BEND5: variants seen among roughly 807,000 people sequenced by gnomAD.
BEND5 encodes the protein BEN domain-containing protein 5.
Under a neutral mutation model 43.9 loss-of-function variants are expected in BEND5, and 22 were observed. The observed-to-expected ratio is 0.50, with a 90% CI of 0.36 to 0.72. The LOEUF is 0.72. Ranked by LOEUF, BEND5 falls within the 30% of genes least tolerant of loss-of-function variation. The probability of loss-of-function intolerance (pLI) is 0.00; values close to 1 mark genes in which losing one functional copy is unlikely to be tolerated. For missense variants in BEND5, 428 were observed against 550.6 expected, an observed-to-expected ratio of 0.78 and a Z score of 2.23; for synonymous variants, 228 against 225.9, an observed-to-expected ratio of 1.01 and a Z score of -0.08.
chr1:48,749,612 C>G (rs1001600927), intron 3 of BEND5, among the ~76,000 whole-genome samples: 50 of 152,286 alleles, frequency 3.3e-4, no homozygotes, highest in African/African-American at 1.2e-3. Flanking sequence ...GTGGGACCCT[C>G]AGCTCATCTC....
At position 48,741,224 on chromosome 1, in the gene BEND5, T is replaced by C. The variant is rs112068273; in HGVS notation, c.894+1399A>G. On this transcript the variant is annotated intron_variant, in intron 4 of 5. Transcript: ENST00000371833. ...AAACATAGCATAGTCCTATCTTTTA[T>C]CTTTGATTGGGGAAGGTTCACCAAA... 1.3e-3 allele frequency among the ~76,000 whole-genome samples: 202 copies of C among 152,354 alleles called. 2 individuals carry two copies. The highest frequency in any genetic ancestry group is 4.5e-3 in the African/African-American group (186 of 41,582).
chr1:48,776,548 CT>C, intron 1 of BEND5, 57 bp downstream of exon 1: 7 of 1,274,642 alleles, frequency 5.5e-6, no homozygotes, highest in Non-Finnish European at 7.1e-6. Context: ...CCCCCGGCCC[CT>C]CCCGGGGTCC....
At chr1:48,737,450 T>C (rs1032087602) in intron 4 of BEND5, among the ~76,000 whole-genome samples, 2 of 152,178 alleles carry the variant, frequency 1.3e-5, no homozygotes, top group African/African-American at 2.4e-5. Context: ...GCCCTGCCAA[T>C]TGGAGTAGGG....
At chr1:48,737,134 A>T (rs1044703590) in intron 4 of BEND5, among the ~76,000 whole-genome samples, 2 of 152,176 alleles carry the variant, frequency 1.3e-5, no homozygotes, top group African/African-American at 4.8e-5. Flanking sequence ...ATACAAAAAA[A>T]TTAGCCAGGT....
intron 1 of BEND5, among the ~76,000 whole-genome samples, chr1:48,767,924 C>A (rs563123123): frequency 6.6e-6 from 1 of 152,154 alleles, no homozygotes; most frequent in Admixed American, 6.5e-5. Context: ...GAGTGAGCAC[C>A]TACTATGTGC....
chr1:48,753,512 A>T (rs1652070825), intron 3 of BEND5, among the ~76,000 whole-genome samples: 1 of 152,246 alleles, frequency 6.6e-6, no homozygotes, highest in African/African-American at 2.4e-5. Flanking sequence ...TTTAAAGATC[A>T]AAGCTGGTAT....
intron 3 of BEND5, among the ~76,000 whole-genome samples, chr1:48,753,984 G>A (rs766602381): frequency 1.3e-4 from 20 of 152,170 alleles, no homozygotes; most frequent in Non-Finnish European, 2.2e-4. Flanking sequence ...ACATATTTGT[G>A]TTCCCTGTGA....
At chr1:48,743,458 A>G (rs1478558738) in intron 3 of BEND5, among the ~76,000 whole-genome samples, 2 of 152,254 alleles carry the variant, frequency 1.3e-5, no homozygotes, top group African/African-American at 4.8e-5. Context: ...GGACTGTTTT[A>G]TAAAATCACC....
chr1:48,773,517 G>C (rs1242584374), intron 1 of BEND5, among the ~76,000 whole-genome samples: 3 of 152,120 alleles, frequency 2.0e-5, no homozygotes, highest in Admixed American at 2.0e-4. Flanking sequence ...TCTGTAAGAG[G>C]GAGGATGGTA....
intron 1 of BEND5, among the ~76,000 whole-genome samples, chr1:48,762,612 TTTTGTGTGTGTGTGTG>T (rs35000699): frequency 0.096 from 12,245 of 127,924 alleles, 640 homozygotes; most frequent in East Asian, 0.29. Flanking sequence ...TCTTTAAGGG[TTTTGTGTGTGTGTGTG>T]TGTGTGTGTG....
At chr1:48,765,228 G>C (rs916460379) in intron 1 of BEND5, among the ~76,000 whole-genome samples, 2 of 152,240 alleles carry the variant, frequency 1.3e-5, no homozygotes, top group East Asian at 3.9e-4. Flanking sequence ...CCATATCATA[G>C]AACTATCCAT....
At chr1:48,744,074 T>TTAATTGTG (rs780126321) in intron 3 of BEND5, among the ~76,000 whole-genome samples, 1 of 152,158 alleles carries the variant, frequency 6.6e-6, no homozygotes, top group African/African-American at 2.4e-5. Flanking sequence ...ACACTATATT[T>TTAATTGTG]TAATTGTGTG....
intron 1 of BEND5, among the ~76,000 whole-genome samples, chr1:48,764,535 T>C (rs1644436542): frequency 6.6e-6 from 1 of 152,142 alleles, no homozygotes. Flanking sequence ...GGTTCAGTTA[T>C]AAGCAGGAGG....
At chr1:48,772,976 T>TC (rs1223722591) in intron 1 of BEND5, among the ~76,000 whole-genome samples, 1 of 152,096 alleles carries the variant, frequency 6.6e-6, no homozygotes, top group East Asian at 1.9e-4. Context: ...CATCACTCCC[T>TC]CCCCCACAGA....
At chr1:48,766,239 G>A (rs951037443) in intron 1 of BEND5, among the ~76,000 whole-genome samples, 1 of 152,038 alleles carries the variant, frequency 6.6e-6, no homozygotes, top group African/African-American at 2.4e-5. Flanking sequence ...AAGAAGAAAT[G>A]AGGCTCAAAG....
In BEND5 at chr1:48,761,345, G is replaced by A. The variant is rs1372116831; in HGVS notation, c.352C>T (p.His118Tyr). 1 of 1,551,734 alleles carries A rather than the reference G, an allele frequency of 6.4e-7. No homozygotes were observed. Among genetic ancestry groups the A allele is most frequent in the Non-Finnish European group, 8.7e-7 (1 of 1,146,946 alleles). ...DYGEEDLQLR[H>Y]IKRPEGRKPS... is the part of the protein sequence containing the mutation. ...AGGAAAGATTTTGTTACCTTGATGT[G>A]TCTAAGCTGTAAATCTTCTTCCCCA... The change falls in exon 2 of 6, where the codon CAC becomes TAC. Residue 118 changes from histidine to tyrosine, a missense_variant. Transcript: ENST00000371833.
At chr1:48,730,676 G>A (rs1647967899) in intron 5 of BEND5, among the ~76,000 whole-genome samples, 1 of 152,110 alleles carries the variant, frequency 6.6e-6, no homozygotes, top group Non-Finnish European at 1.5e-5. Context: ...AAGCTTCTCA[G>A]GTTGATTAAA....
intron 4 of BEND5, among the ~76,000 whole-genome samples, chr1:48,739,595 G>A (rs986859062): frequency 6.6e-6 from 1 of 152,176 alleles, no homozygotes; most frequent in Non-Finnish European, 1.5e-5. Flanking sequence ...CTACCTGCGT[G>A]CTGGTTAACT....
chr1:48,741,903 T>A (rs755598929), intron 4 of BEND5, among the ~76,000 whole-genome samples: 2 of 152,232 alleles, frequency 1.3e-5, no homozygotes, highest in African/African-American at 4.8e-5. Flanking sequence ...ATCAATTCAA[T>A]TGAATGTTAG....
Sources: allele counts gnomAD v4.1 joint callset (sites outside exome capture counted in the v4.1 genomes callset), GRCh38; gene constraint gnomAD v4.1.1; transcripts MANE v1.5; gene names NCBI Gene and HGNC (gene_info 2026-07-23, HGNC 2026-07-21).